RPGRIP1L: variants seen among roughly 807,000 people sequenced by gnomAD.
The protein encoded by RPGRIP1L is protein fantom.
In RPGRIP1L, 131 loss-of-function variants were observed where a neutral mutation model predicts 160.4. The observed-to-expected ratio is 0.82, with a 90% CI of 0.71 to 0.94. The LOEUF is 0.94. Ranked by LOEUF, RPGRIP1L falls within the 40% of genes least tolerant of loss-of-function variation. The pLI, the probability that RPGRIP1L is intolerant of heterozygous loss-of-function variation, is 0.00. For missense variants in RPGRIP1L, 1,522 were observed against 1,535.8 expected (o/e 0.99, Z 0.15); for synonymous variants, 510 against 515.8 (o/e 0.99, Z 0.15).
At chr16:53,646,148 T>G (rs1966531650) in intron 16 of RPGRIP1L, 145 bp from the exon 17 acceptor site, 1 of 739,712 alleles carries the variant, frequency 1.4e-6, no homozygotes, top group Non-Finnish European at 2.2e-6. Flanking sequence ...AAACTTTTAT[T>G]CTAATGGAAA....
At position 53,687,763 on chromosome 16, in the gene RPGRIP1L, A is replaced by G. The variant is rs542605718; in HGVS notation, c.632+100T>C. On this transcript the variant is annotated intron_variant, in intron 5 of 26. Transcript: ENST00000647211. ...ACAGAACATAGCTGTATTTCAGTGG[A>G]GCAAACTGTTTACATATAAATAAAG... The G allele has an allele frequency of 6.2e-5, 48 of 771,448 alleles. No individual in the cohort carries two copies. In the East Asian group the frequency reaches 1.2e-3, roughly 19 times the overall value. The allele number at this position is 771,448 out of a possible 1,614,324, so 47.8% of individuals were successfully genotyped here.
At chr16:53,659,108 G>C (rs1198544618) in intron 10 of RPGRIP1L, 1 of 661,500 alleles carries the variant, frequency 1.5e-6, no homozygotes, top group Admixed American at 3.6e-5. Context: ...CAAGACATAA[G>C]TTCACAGTAT....
chr16:53,645,588 T>C, intron 17 of RPGRIP1L, 37 bp downstream of exon 17: 1 of 1,594,186 alleles, frequency 6.3e-7, no homozygotes, highest in Non-Finnish European at 8.5e-7. Flanking sequence ...TTTTGTTTTG[T>C]TTTTACAATT....
chr16:53,603,742 A>G (rs1963509609), intron 26 of RPGRIP1L, among the ~76,000 whole-genome samples: 1 of 151,634 alleles, frequency 6.6e-6, no homozygotes, highest in Admixed American at 6.6e-5. Context: ...GAAAGCCTTA[A>G]AACTTGATAC....
At chr16:53,630,080 T>C (rs930364327) in intron 22 of RPGRIP1L, among the ~76,000 whole-genome samples, 3 of 152,172 alleles carry the variant, frequency 2.0e-5, no homozygotes, top group Non-Finnish European at 2.9e-5. Flanking sequence ...CAGGTTCTCC[T>C]CTGTCACACA....
intron 9 of RPGRIP1L, among the ~76,000 whole-genome samples, chr16:53,669,907 T>G (rs895554374): frequency 6.6e-6 from 1 of 152,148 alleles, no homozygotes; most frequent in African/African-American, 2.4e-5. Context: ...AGTTCTAAAC[T>G]AGAGTCTCAG....
chr16:53,703,706 C>A lies in RPGRIP1L; in HGVS notation c.-8+97G>T, dbSNP rs753260727. On this transcript the variant is annotated intron_variant, in intron 1 of 26. Transcript: ENST00000647211. The stretch of plus-strand genomic sequence containing the variant: ...GGCCAACTCCAGGGCCTTCTCCAGG[C>A]GGCAGAGCGGACCCTAGGACCCCGG... The A allele has an allele frequency of 2.4e-5, 6 of 249,880 alleles. No individual in the cohort carries two copies. In the South Asian group the frequency reaches 3.0e-4, roughly 12 times the overall value. 15.5% of individuals were successfully genotyped at this position (249,880 alleles called of 1,614,324 possible).
intron 24 of RPGRIP1L, among the ~76,000 whole-genome samples, chr16:53,616,116 T>G (rs1329724800): frequency 1.3e-5 from 2 of 152,164 alleles, no homozygotes; most frequent in African/African-American, 4.8e-5. Flanking sequence ...CTGCATGCTG[T>G]TCAAACAGGA....
Position 53,652,768 on chromosome 16 carries a change from A to C in RPGRIP1L, c.1919T>G (p.Phe640Cys), listed in dbSNP as rs1339088555. The change falls in exon 15 of 27, where the codon TTT (phenylalanine) becomes TGT (cysteine). Residue 640 changes from phenylalanine (F) to cysteine (C), a missense_variant. By Grantham distance (205) the Phe-to-Cys change is radical (BLOSUM62 -2). Coordinates refer to ENST00000647211, the MANE Select transcript of RPGRIP1L (RefSeq NM_015272.5). ...CACTACGGGAGTTGTCTGTAGTTCA[A>C]AATCATAGAAAGCATAGGTACAGAA... ...VTFCTYAFYD[F>C]ELQTTPVVRG... The C allele has an allele frequency of 1.2e-6, 2 of 1,614,198 alleles. No individual in the cohort carries two copies. The highest frequency in any genetic ancestry group is 1.7e-5 in the Admixed American group (1 of 60,018).
Position 53,689,303 on chromosome 16 carries a change from T to C in RPGRIP1L, c.530-1338A>G, listed in dbSNP as rs900780046. ...ATATTCAGTATGCTGTTGTTGCCTA[T>C]ACAGTCTACTGTGCTATAAAACACT... On this transcript the variant is annotated intron_variant, in intron 4 of 26. Coordinates refer to ENST00000647211, the MANE Select transcript of RPGRIP1L (RefSeq NM_015272.5). Among the ~76,000 whole-genome samples, 5 of 152,230 alleles carry C rather than the reference T, an allele frequency of 3.3e-5. No homozygotes were observed. The East Asian group carries it at 5.8e-4, about 18-fold the overall frequency.
chr16:53,649,158 A>G lies in RPGRIP1L; in HGVS notation c.2153-43T>C, dbSNP rs754216598. ...ACCCAAGGTTAAAATAGTTTCATAC[A>G]TTAAAATAGATAGCAGTAAAAATAC... On this transcript the variant is annotated intron_variant, in intron 15 of 26. Coordinates refer to ENST00000647211, the MANE Select transcript of RPGRIP1L (RefSeq NM_015272.5). 13 of 1,529,434 alleles carry G rather than the reference A, an allele frequency of 8.5e-6. No homozygotes were observed. In the South Asian group the frequency reaches 1.2e-4, roughly 14 times the overall value. 94.7% of individuals were successfully genotyped at this position (1,529,434 alleles called of 1,614,324 possible).
intron 17 of RPGRIP1L, among the ~76,000 whole-genome samples, chr16:53,642,255 G>A (rs1464729614): frequency 6.6e-6 from 1 of 151,756 alleles, no homozygotes; most frequent in Non-Finnish European, 1.5e-5. Flanking sequence ...ATTCACAGAT[G>A]CGATCATAGC....
intron 1 of RPGRIP1L, among the ~76,000 whole-genome samples, chr16:53,701,005 C>CT (rs970522587): frequency 3.3e-5 from 5 of 152,134 alleles, no homozygotes; most frequent in African/African-American, 1.2e-4. Flanking sequence ...CATCCCTTTC[C>CT]TCTCCCCAGC....
intron 4 of RPGRIP1L, 56 bp downstream of exon 4, chr16:53,692,010 T>G (rs75554439): frequency 6.5e-7 from 1 of 1,540,048 alleles, no homozygotes; most frequent in Non-Finnish European, 9.0e-7. Flanking sequence ...GTGTTTTTTT[T>G]GTGTTAAACA....
At chr16:53,675,817 T>C (rs1296572218) in intron 6 of RPGRIP1L, among the ~76,000 whole-genome samples, 2 of 152,178 alleles carry the variant, frequency 1.3e-5, no homozygotes, top group Non-Finnish European at 1.5e-5. Context: ...AAAGCAAATG[T>C]AGAATTTAAC....
intron 2 of RPGRIP1L, among the ~76,000 whole-genome samples, chr16:53,698,514 G>A (rs189809741): frequency 0.039 from 5,457 of 140,878 alleles, 297 homozygotes; most frequent in East Asian, 0.26. Context: ...CCTCCCGCCC[G>A]GCCAGCCGCC....
chr16:53,675,257 G>GT, intron 6 of RPGRIP1L, 135 bp from the exon 7 acceptor site: 1 of 657,894 alleles, frequency 1.5e-6, no homozygotes, highest in Non-Finnish European at 2.7e-6. Flanking sequence ...AGTCAATGAG[G>GT]TTTTTGGATT....
chr16:53,681,431 GAATTT>G (rs79360289), intron 6 of RPGRIP1L, among the ~76,000 whole-genome samples: 7,769 of 152,194 alleles, frequency 0.051, 389 homozygotes, highest in East Asian at 0.3. Flanking sequence ...TTACTGCTTT[GAATTT>G]AATTTAAGAC....
At chr16:53,702,847 G>T (rs533516498) in intron 1 of RPGRIP1L, among the ~76,000 whole-genome samples, 1 of 151,990 alleles carries the variant, frequency 6.6e-6, no homozygotes, top group Admixed American at 6.5e-5. Context: ...GCCTCTATCT[G>T]AAGTTATCAG....
Sources: gnomAD v4.1 joint callset for allele counts (sites outside exome capture counted in the v4.1 genomes callset) on GRCh38, gnomAD v4.1.1 for gene constraint, MANE v1.5 for transcripts, NCBI Gene and HGNC (gene_info 2026-07-23, HGNC 2026-07-21) for gene names.